Variants in ANO10 observed in about 807,000 individuals in gnomAD.
ANO10 encodes anoctamin-10.
Under a neutral mutation model 74.7 loss-of-function variants are expected in ANO10, and 77 were observed. The ratio of observed to expected loss-of-function variants is 1.03; its 90% CI spans 0.86 to 1.25. The LOEUF is 1.25. Among genes scored for constraint, ANO10 ranks in the 50% most tolerant of loss-of-function variants. The probability of loss-of-function intolerance (pLI) is 0.00; values close to 1 mark genes in which losing one functional copy is unlikely to be tolerated. For synonymous variants in ANO10, 279 were observed against 284.9 expected, an observed-to-expected ratio of 0.98 and a Z score of 0.21; for missense variants, 721 against 778.1, an observed-to-expected ratio of 0.93 and a Z score of 0.87.
At chr3:43,586,174 C>T (rs919384845) in intron 4 of ANO10, among the ~76,000 whole-genome samples, 5 of 152,110 alleles carry the variant, frequency 3.3e-5, no homozygotes, top group East Asian at 1.9e-4. Flanking sequence ...ACCTGGAGTA[C>T]GTCTGCTCCC....
chr3:43,605,692 G>C, intron 2 of ANO10, 22 bp downstream of exon 2: 1 of 1,612,588 alleles, frequency 6.2e-7, no homozygotes, highest in Non-Finnish European at 8.5e-7. Context: ...GACTAAGTCT[G>C]AGCAGTGACT....
intron 12 of ANO10, among the ~76,000 whole-genome samples, chr3:43,418,817 G>A (rs1284164841): frequency 1.3e-5 from 2 of 152,220 alleles, no homozygotes; most frequent in African/African-American, 2.4e-5. Flanking sequence ...TAGAGCTAAG[G>A]CTAAAGAAGG....
At chr3:43,480,145 G>A (rs1195244776) in intron 11 of ANO10, among the ~76,000 whole-genome samples, 2 of 152,040 alleles carry the variant, frequency 1.3e-5, no homozygotes, top group Non-Finnish European at 2.9e-5. Context: ...AGAAGAATTG[G>A]GAAATACAGT....
intron 11 of ANO10, chr3:43,485,190 G>A: frequency 4.3e-6 from 3 of 704,086 alleles, no homozygotes; most frequent in Non-Finnish European, 7.7e-6. Flanking sequence ...GCCTGCGGTG[G>A]TCAGGTACCG....
intron 11 of ANO10, among the ~76,000 whole-genome samples, chr3:43,474,600 C>T (rs1352145976): frequency 6.6e-6 from 1 of 152,096 alleles, no homozygotes; most frequent in Non-Finnish European, 1.5e-5. Flanking sequence ...TTAAAACAAA[C>T]ACTGTTTAAA....
At chr3:43,465,127 A>G (rs1275155242) in intron 11 of ANO10, among the ~76,000 whole-genome samples, 2 of 152,192 alleles carry the variant, frequency 1.3e-5, no homozygotes, top group African/African-American at 4.8e-5. Context: ...CATATAAATA[A>G]AACTATTACT....
At chr3:43,401,979 C>T (rs1352321276) in intron 12 of ANO10, among the ~76,000 whole-genome samples, 2 of 146,002 alleles carry the variant, frequency 1.4e-5, no homozygotes, top group East Asian at 3.9e-4. Flanking sequence ...GGTCCCATGC[C>T]CAGGTTATAA....
At chr3:43,633,458 G>A (rs7617071) in intron 1 of ANO10, among the ~76,000 whole-genome samples, 2 of 152,122 alleles carry the variant, frequency 1.3e-5, no homozygotes, top group Admixed American at 6.5e-5. Flanking sequence ...TGTCTTAGCA[G>A]GGAAGAGGCT....
At chr3:43,562,595 C>A (rs566605906) in intron 8 of ANO10, among the ~76,000 whole-genome samples, 1 of 150,434 alleles carries the variant, frequency 6.6e-6, no homozygotes, top group African/African-American at 2.4e-5. Context: ...GTACAAGAAA[C>A]GCTTGAACCT....
At chr3:43,513,347 T>C (rs1397334400) in intron 11 of ANO10, among the ~76,000 whole-genome samples, 2 of 152,174 alleles carry the variant, frequency 1.3e-5, no homozygotes, top group East Asian at 1.9e-4. Context: ...TTATACTATG[T>C]TGTATGTGAA....
intron 12 of ANO10, among the ~76,000 whole-genome samples, chr3:43,425,372 A>T (rs559946345): frequency 1.3e-5 from 2 of 152,040 alleles, no homozygotes; most frequent in Non-Finnish European, 2.9e-5. Flanking sequence ...CGGGGGGAAG[A>T]AGTTCAGAAG....
chr3:43,560,190 C>G (rs2079958895), intron 9 of ANO10, among the ~76,000 whole-genome samples: 3 of 152,158 alleles, frequency 2.0e-5, no homozygotes, highest in Admixed American at 2.0e-4. Flanking sequence ...ACAGCTATGT[C>G]AACAGCATGC....
intron 1 of ANO10, chr3:43,690,749 CCG>C: frequency 2.3e-6 from 1 of 428,244 alleles, no homozygotes; most frequent in Non-Finnish European, 4.1e-6. Context: ...CTGTCCCGCC[CCG>C]CGCTTACACC....
chr3:43,685,439 A>C (rs2084262737), intron 1 of ANO10, among the ~76,000 whole-genome samples: 1 of 152,198 alleles, frequency 6.6e-6, no homozygotes, highest in Admixed American at 6.5e-5. Context: ...GACTTTATTT[A>C]ATCATAAGCA....
At chr3:43,592,525 C>A (rs951941750) in intron 4 of ANO10, among the ~76,000 whole-genome samples, 2 of 152,234 alleles carry the variant, frequency 1.3e-5, no homozygotes, top group African/African-American at 2.4e-5. Flanking sequence ...AGCAGACCTG[C>A]AGCTGAGGGT....
chr3:43,552,429 G>A (rs1559687236), intron 10 of ANO10, among the ~76,000 whole-genome samples: 1 of 151,608 alleles, frequency 6.6e-6, no homozygotes, highest in Non-Finnish European at 1.5e-5. Context: ...TAGAATCATT[G>A]GACAGTATTA....
intron 10 of ANO10, among the ~76,000 whole-genome samples, chr3:43,554,220 G>GT (rs1232753777): frequency 2.1e-5 from 3 of 146,322 alleles, no homozygotes; most frequent in Non-Finnish European, 4.5e-5. Flanking sequence ...TTGAGATGGA[G>GT]TGTCGCTCTG....
chr3:43,602,422 C>T (rs571827970), intron 2 of ANO10, among the ~76,000 whole-genome samples: 35 of 152,292 alleles, frequency 2.3e-4, no homozygotes, highest in African/African-American at 8.4e-4. Context: ...ACTGCAACCT[C>T]CACCTCTGGG....
intron 1 of ANO10, among the ~76,000 whole-genome samples, chr3:43,672,568 T>C (rs1326606938): frequency 6.6e-6 from 1 of 152,034 alleles, no homozygotes; most frequent in Non-Finnish European, 1.5e-5. Context: ...AAAAACACCT[T>C]ATTTCAGATG....
Sources: gnomAD v4.1 joint callset for allele counts (sites outside exome capture counted in the v4.1 genomes callset) on GRCh38, gnomAD v4.1.1 for gene constraint, MANE v1.5 for transcripts, NCBI Gene and HGNC (gene_info 2026-07-23, HGNC 2026-07-21) for gene names.